The following TOP6BL variants were observed in gnomAD, a reference collection of about 807,000 sequenced individuals.
TOP6BL encodes the protein TOP6B like initiator of meiotic double strand breaks.
At chr11:66,746,149 T>C in the TOP6BL span, among the ~76,000 whole-genome samples, 1 of 152,158 alleles carries the variant, frequency 6.6e-6, no homozygotes, top group Non-Finnish European at 1.5e-5. Context: ...GAAGGAATAG[T>C]TAGACTCTAC....
chr11:66,755,119 A>AG, the TOP6BL span, among the ~76,000 whole-genome samples: 6 of 140,054 alleles, frequency 4.3e-5, no homozygotes, highest in Admixed American at 1.4e-4. Flanking sequence ...TGTAGTTTCT[A>AG]GATTTTTTTT....
chr11:66,823,736 A>G, the TOP6BL span, among the ~76,000 whole-genome samples: 1 of 151,912 alleles, frequency 6.6e-6, no homozygotes. Context: ...AGAATTGCTG[A>G]AACCCGGGAG....
the TOP6BL span, among the ~76,000 whole-genome samples, chr11:66,820,552 G>C: frequency 6.6e-6 from 1 of 152,162 alleles, no homozygotes; most frequent in Non-Finnish European, 1.5e-5. Context: ...GGTGCCTGTG[G>C]TTACTTTAAC....
At chr11:66,817,212 C>T in the TOP6BL span, among the ~76,000 whole-genome samples, 3 of 151,948 alleles carry the variant, frequency 2.0e-5, no homozygotes, top group Non-Finnish European at 4.4e-5. Context: ...TGATGTACAG[C>T]AAGGCTTGGG....
At chr11:66,791,108 CAATT>C in the TOP6BL span, among the ~76,000 whole-genome samples, 1 of 152,030 alleles carries the variant, frequency 6.6e-6, no homozygotes, top group Admixed American at 6.6e-5. Flanking sequence ...ATGGATGCCT[CAATT>C]GAGGAGAAAG....
At chr11:66,762,509 G>A in the TOP6BL span, 1 of 238,432 alleles carries the variant, frequency 4.2e-6, no homozygotes, top group Non-Finnish European at 8.1e-6. Context: ...TCGCTCTGTC[G>A]CCCAGGCTAG....
the TOP6BL span, among the ~76,000 whole-genome samples, chr11:66,834,275 G>A: frequency 6.6e-6 from 1 of 152,080 alleles, no homozygotes; most frequent in African/African-American, 2.4e-5. Context: ...GAGAGCTCCC[G>A]GCTCTGAAAC....
the TOP6BL span, among the ~76,000 whole-genome samples, chr11:66,770,532 C>T: frequency 2.6e-5 from 4 of 151,994 alleles, no homozygotes; most frequent in African/African-American, 9.7e-5. Flanking sequence ...AGTGAACCCT[C>T]ATCTCTACTA....
chr11:66,800,979 AGAT>A, the TOP6BL span: 1 of 1,586,764 alleles, frequency 6.3e-7, no homozygotes. Flanking sequence ...TGTCAAACAG[AGAT>A]TGATTTTAGA....
the TOP6BL span, chr11:66,800,641 G>C: frequency 6.3e-7 from 1 of 1,598,310 alleles, no homozygotes; most frequent in Non-Finnish European, 8.5e-7. Flanking sequence ...TGTTTTGCAG[G>C]TCAGATTTCA....
the TOP6BL span, chr11:66,744,858 C>T: frequency 7.6e-7 from 1 of 1,313,890 alleles, no homozygotes; most frequent in Non-Finnish European, 9.7e-7. Flanking sequence ...GGGTACCCTT[C>T]GACTGGGCGT....
chr11:66,761,620 G>T, the TOP6BL span: 1 of 1,206,198 alleles, frequency 8.3e-7, no homozygotes, highest in Admixed American at 2.2e-5. Context: ...GAAAAGTAAT[G>T]TACGCCTGGT....
At chr11:66,815,149 G>T in the TOP6BL span, among the ~76,000 whole-genome samples, 1 of 152,166 alleles carries the variant, frequency 6.6e-6, no homozygotes, top group Non-Finnish European at 1.5e-5. Context: ...AGACTCCACC[G>T]ATTTCGAATA....
chr11:66,754,711 A>G, the TOP6BL span, among the ~76,000 whole-genome samples: 7 of 152,152 alleles, frequency 4.6e-5, no homozygotes, highest in Non-Finnish European at 8.8e-5. Flanking sequence ...TGATTCTGGG[A>G]ATGAGAGAGA....
the TOP6BL span, among the ~76,000 whole-genome samples, chr11:66,804,554 G>A: frequency 6.6e-6 from 1 of 152,298 alleles, no homozygotes; most frequent in South Asian, 2.1e-4. Flanking sequence ...AATGTTTTGG[G>A]AGAAGTCTTT....
chr11:66,763,688 C>T, the TOP6BL span, among the ~76,000 whole-genome samples: 9 of 152,032 alleles, frequency 5.9e-5, no homozygotes, highest in Admixed American at 6.6e-5. Flanking sequence ...CACTGCAGCC[C>T]CAAGCTCCTG....
the TOP6BL span, among the ~76,000 whole-genome samples, chr11:66,789,174 A>G: frequency 6.6e-6 from 1 of 152,220 alleles, no homozygotes; most frequent in South Asian, 2.1e-4. Context: ...GAACCACTGA[A>G]ACAAGCCCTT....
At chr11:66,840,026 A>G in the TOP6BL span, among the ~76,000 whole-genome samples, 1 of 152,278 alleles carries the variant, frequency 6.6e-6, no homozygotes, top group African/African-American at 2.4e-5. Context: ...GTGCAACATG[A>G]GCTTTAAAAT....
At chr11:66,826,981 C>CTTTTT in the TOP6BL span, among the ~76,000 whole-genome samples, 3 of 95,044 alleles carry the variant, frequency 3.2e-5, no homozygotes, top group African/African-American at 8.6e-5. Flanking sequence ...CCACACCTGG[C>CTTTTT]TTTTTTTTTT....
Sources: gnomAD v4.1 joint callset for allele counts (sites outside exome capture counted in the v4.1 genomes callset) on GRCh38, gnomAD v4.1.1 for gene constraint, MANE v1.5 for transcripts, NCBI Gene and HGNC (gene_info 2026-07-23, HGNC 2026-07-21) for gene names.